Variants in GFOD1 observed in about 807,000 individuals in gnomAD.
GFOD1 encodes the protein glucose-fructose oxidoreductase domain-containing protein 1.
A neutral mutation model predicts 25.4 loss-of-function variants in GFOD1; 9 were observed. The ratio of observed to expected loss-of-function variants is 0.35; its 90% confidence interval spans 0.21 to 0.62. The LOEUF (loss-of-function observed/expected upper bound fraction) is 0.62, where lower values mean the gene tolerates loss of function less well. GFOD1 is among the 20% of genes least tolerant of loss of function. GFOD1 has a pLI of 0.72. For missense variants in GFOD1, 403 were observed against 556.9 expected (o/e 0.72, Z 2.78); for synonymous variants, 253 against 245.6 (o/e 1.03, Z -0.28).
At chr6:13,481,129 T>C (rs773693303) in intron 1 of GFOD1, among the ~76,000 whole-genome samples, 27 of 151,690 alleles carry the variant, frequency 1.8e-4, no homozygotes, top group Non-Finnish European at 3.8e-4. Context: ...AGCAAGCAAA[T>C]GAAAGAGATC....
chr6:13,373,741 A>AC (rs1554199339), intron 1 of GFOD1, among the ~76,000 whole-genome samples: 2 of 129,596 alleles, frequency 1.5e-5, no homozygotes, highest in African/African-American at 3.0e-5. Flanking sequence ...CTGCTCCCCC[A>AC]ACACACACAC....
intron 1 of GFOD1, among the ~76,000 whole-genome samples, chr6:13,455,211 C>T (rs1428231701): frequency 6.6e-6 from 1 of 152,090 alleles, no homozygotes; most frequent in Non-Finnish European, 1.5e-5. Flanking sequence ...AGCAATACAC[C>T]CAGAGAGGTG....
At chr6:13,369,608 G>A (rs534494941) in intron 1 of GFOD1, among the ~76,000 whole-genome samples, 15 of 152,264 alleles carry the variant, frequency 9.9e-5, no homozygotes, top group African/African-American at 3.4e-4. Context: ...GCTGCAGTGA[G>A]CTATGACTGT....
At chr6:13,462,043 C>T (rs1229770386) in intron 1 of GFOD1, among the ~76,000 whole-genome samples, 5 of 152,200 alleles carry the variant, frequency 3.3e-5, no homozygotes, top group South Asian at 4.1e-4. Flanking sequence ...AGTTGTGTAA[C>T]GCTGGGCAAG....
chr6:13,373,149 A>G (rs1785183579), intron 1 of GFOD1, among the ~76,000 whole-genome samples: 1 of 152,244 alleles, frequency 6.6e-6, no homozygotes, highest in Non-Finnish European at 1.5e-5. Flanking sequence ...AGTCTAGTAG[A>G]GGAGACCAAT....
intron 1 of GFOD1, among the ~76,000 whole-genome samples, chr6:13,387,494 T>C (rs2127560263): frequency 6.6e-6 from 1 of 152,302 alleles, no homozygotes; most frequent in East Asian, 1.9e-4. Context: ...ATCCATCACA[T>C]AAACAGAACC....
chr6:13,369,522 C>T (rs1334517145), intron 1 of GFOD1, among the ~76,000 whole-genome samples: 7 of 152,002 alleles, frequency 4.6e-5, no homozygotes, highest in Admixed American at 2.0e-4. Flanking sequence ...AAAAGCCAGG[C>T]GTGGTGATGC....
intron 1 of GFOD1, among the ~76,000 whole-genome samples, chr6:13,419,256 C>T (rs553692892): frequency 2.3e-4 from 35 of 152,276 alleles, no homozygotes; most frequent in African/African-American, 7.7e-4. Context: ...ATCTGGAGAT[C>T]AAGATTCCAA....
At chr6:13,391,389 T>C (rs1170910820) in intron 1 of GFOD1, among the ~76,000 whole-genome samples, 1 of 151,610 alleles carries the variant, frequency 6.6e-6, no homozygotes, top group African/African-American at 2.4e-5. Flanking sequence ...TCCCAGCTAC[T>C]CGGGAGGCTG....
chr6:13,456,335 C>T (rs1372312975), intron 1 of GFOD1, among the ~76,000 whole-genome samples: 1 of 151,932 alleles, frequency 6.6e-6, no homozygotes, highest in East Asian at 1.9e-4. Flanking sequence ...CCACCACGCC[C>T]GGCTGACTTT....
intron 1 of GFOD1, among the ~76,000 whole-genome samples, chr6:13,478,602 A>G (rs1758679870): frequency 6.6e-6 from 1 of 152,242 alleles, no homozygotes; most frequent in Non-Finnish European, 1.5e-5. Context: ...CACCGTGGGT[A>G]ACCACAGGAA....
At chr6:13,448,671 C>A (rs974120582) in intron 1 of GFOD1, among the ~76,000 whole-genome samples, 2 of 152,198 alleles carry the variant, frequency 1.3e-5, no homozygotes, top group African/African-American at 4.8e-5. Flanking sequence ...CTGCCTACTG[C>A]CTGCATGTTG....
chr6:13,442,541 T>C (rs1170000813), intron 1 of GFOD1, among the ~76,000 whole-genome samples: 1 of 152,238 alleles, frequency 6.6e-6, no homozygotes, highest in African/African-American at 2.4e-5. Flanking sequence ...AGTCAATGCC[T>C]GGCTTCAAAG....
At chr6:13,384,297 T>C (rs190176642) in intron 1 of GFOD1, among the ~76,000 whole-genome samples, 274 of 152,358 alleles carry the variant, frequency 1.8e-3, no homozygotes, top group Middle Eastern at 3.4e-3. Flanking sequence ...TATGAGTTAT[T>C]TTTTAAAGCA....
intron 1 of GFOD1, among the ~76,000 whole-genome samples, chr6:13,385,697 TGTAA>T (rs1785454884): frequency 6.6e-6 from 1 of 152,116 alleles, no homozygotes; most frequent in Non-Finnish European, 1.5e-5. Context: ...TAAAAAGAAA[TGTAA>T]GTATTTATTT....
rs149114548 is a variant in GFOD1 at position 13,365,671 on chromosome 6, G to A, written c.254-9C>T. ...GACGTTCTTGCCGATGCCTGCGGGT[G>A]GGAGGAAGACAGCGGTCAGCGGGGC... On this transcript the variant is annotated splice_polypyrimidine_tract_variant and intron_variant, in intron 1 of 1. Transcript: ENST00000379287. The surrounding 1 kb of genome is among the most constrained non-coding windows in gnomAD (Gnocchi z 9.2). 6.1e-4 allele frequency: 968 copies of A among 1,585,258 alleles called. 8 individuals carry two copies. In the African/African-American group the frequency reaches 0.011, roughly 18 times the overall value.
intron 1 of GFOD1, among the ~76,000 whole-genome samples, chr6:13,387,467 G>A (rs574317499): frequency 2.6e-5 from 4 of 152,210 alleles, no homozygotes; most frequent in Admixed American, 6.5e-5. Context: ...TTCAACATAC[G>A]CAAATCAATA....
intron 1 of GFOD1, among the ~76,000 whole-genome samples, chr6:13,439,743 A>G (rs1757885723): frequency 6.6e-6 from 1 of 152,240 alleles, no homozygotes; most frequent in South Asian, 2.1e-4. Context: ...AAACTCCACT[A>G]TTGAGCTATG....
chr6:13,439,560 G>A (rs1168496149), intron 1 of GFOD1, among the ~76,000 whole-genome samples: 8 of 152,232 alleles, frequency 5.3e-5, no homozygotes, highest in African/African-American at 9.6e-5. Flanking sequence ...GCTTAGTCAG[G>A]AGGATTTCTT....
Sources: allele counts gnomAD v4.1 joint callset (sites outside exome capture counted in the v4.1 genomes callset), GRCh38; gene constraint gnomAD v4.1.1; non-coding constraint Gnocchi (gnomAD v3.1); transcripts MANE v1.5; gene names NCBI Gene and HGNC (gene_info 2026-07-23, HGNC 2026-07-21).